AMOT: variants seen among roughly 807,000 people sequenced by gnomAD.
AMOT encodes the protein angiomotin.
In AMOT, 11 loss-of-function variants were observed where a neutral mutation model predicts 67.0. The observed-to-expected ratio is 0.16, with a 90% confidence interval of 0.10 to 0.27. The LOEUF is 0.27. AMOT is among the 10% of genes least tolerant of loss of function. The pLI is 1.00. For missense variants in AMOT, 753 were observed against 852.0 expected, an observed-to-expected ratio of 0.88 and a Z score of 1.45; for synonymous variants, 326 against 321.4, an observed-to-expected ratio of 1.01 and a Z score of -0.15.
At chrX:112,821,733 A>G (rs1351574124) in intron 4 of AMOT, among the ~76,000 whole-genome samples, 7 of 112,114 alleles carry the variant, frequency 6.2e-5, no homozygotes, top group African/African-American at 2.3e-4. Flanking sequence ...TAGCTCCCCC[A>G]CCATAACATC....
rs371430495 is a variant in AMOT, at chrX:112,833,076, C to G, written c.-288-706G>C. On this transcript the variant is annotated intron_variant, in intron 1 of 13. Transcript: ENST00000371959. ...ACCACAAATCATATAACCCAGCTAA[C>G]TTTCTTATTTGCACAAACTACTGCA... Among the ~76,000 whole-genome samples the G allele has an allele frequency of 1.1e-4, 12 of 111,773 alleles. No individual in the cohort carries two copies. The East Asian group carries it at 3.4e-3, about 31-fold the overall frequency.
intron 5 of AMOT, among the ~76,000 whole-genome samples, chrX:112,812,403 G>A (rs1283633704): frequency 3.6e-5 from 4 of 111,575 alleles, no homozygotes; most frequent in African/African-American, 1.3e-4. Context: ...TTATCCCATA[G>A]TCAATGGGAA....
At chrX:112,831,491 A>AT (rs1934986532) in intron 2 of AMOT, among the ~76,000 whole-genome samples, 1 of 108,398 alleles carries the variant, frequency 9.2e-6, no homozygotes, top group South Asian at 3.9e-4. Flanking sequence ...AAATAAATAA[A>AT]AAGAGAGCCC....
chrX:112,826,381 T>C (rs1934841980), intron 2 of AMOT, among the ~76,000 whole-genome samples: 2 of 112,770 alleles, frequency 1.8e-5, no homozygotes, highest in Admixed American at 1.9e-4. Context: ...CATTATTTCC[T>C]TGCAATGTTG....
rs985042460 is a variant in AMOT at position 112,837,643 on chromosome X, C to T, written c.-289+2809G>A. Among the ~76,000 whole-genome samples, 8 of 111,016 alleles carry T rather than the reference C, an allele frequency of 7.2e-5. No individual in the cohort carries two copies. In the Admixed American group the frequency reaches 7.7e-4, roughly 11 times the overall value. ...GTATGGCCAGCCTGTTTAATACCCC[C>T]TTAGTTCCTGGGACAAAATTCTAAC... is the stretch of plus-strand genomic sequence containing the variant. On this transcript the variant is annotated intron_variant, in intron 1 of 13. Coordinates refer to ENST00000371959, the MANE Select transcript of AMOT (RefSeq NM_001113490.2).
Position 112,779,503 on chromosome X carries a change from G to C in AMOT, c.2651C>G (p.Pro884Arg), listed in dbSNP as rs1164110079. ...AGTGGCGGCAGCAGCAACTGGAGCA[G>C]GAACAGAGATGGGAGCAACAGCTGC... ...KTAAVAPISV[P>R]APVAAAATAA... Residue 884 changes from proline to arginine, a missense_variant, in exon 13 of 14, where the codon CCT becomes CGT. Physicochemically the swap from Pro to Arg is moderately radical, Grantham distance 103. This residue lies in a region of AMOT where 269 missense variants were observed against 300.9 expected (regional missense o/e 0.89). Coordinates refer to ENST00000371959, the MANE Select transcript of AMOT (RefSeq NM_001113490.2). 1 of 1,211,034 alleles carries C rather than the reference G, an allele frequency of 8.3e-7. No individual in the cohort carries two copies. Among genetic ancestry groups the C allele is most frequent in the Non-Finnish European group, 1.1e-6 (1 of 895,236 alleles).
intron 8 of AMOT, among the ~76,000 whole-genome samples, chrX:112,792,195 C>G (rs145074032): frequency 0.042 from 4,674 of 111,966 alleles, 117 homozygotes; most frequent in Non-Finnish European, 0.068. Context: ...TCGAGAATAC[C>G]TTTTAAACCT....
At chrX:112,835,449 C>CA (rs1207004012) in intron 1 of AMOT, among the ~76,000 whole-genome samples, 58 of 100,242 alleles carry the variant, frequency 5.8e-4, no homozygotes, top group East Asian at 1.8e-3. Flanking sequence ...TCATATATTA[C>CA]AAAAAAAAAA....
intron 1 of AMOT, among the ~76,000 whole-genome samples, chrX:112,834,707 G>A (rs958282543): frequency 5.3e-5 from 6 of 112,924 alleles, no homozygotes; most frequent in African/African-American, 1.9e-4. Flanking sequence ...TGTGTCACAA[G>A]CAAATATTAC....
At chrX:112,821,224 C>A (rs142280845) in intron 4 of AMOT, among the ~76,000 whole-genome samples, 255 of 111,401 alleles carry the variant, frequency 2.3e-3, no homozygotes, top group African/African-American at 8.2e-3. Context: ...CAGACCTAGT[C>A]TGTGAGCCGC....
chrX:112,806,242 G>A (rs2147803553), intron 7 of AMOT, among the ~76,000 whole-genome samples: 1 of 107,554 alleles, frequency 9.3e-6, no homozygotes, highest in African/African-American at 3.4e-5. Context: ...ACTCCAGCCT[G>A]GTGACAGAGC....
At chrX:112,796,921 T>A (rs1186938859) in intron 8 of AMOT, among the ~76,000 whole-genome samples, 1 of 111,505 alleles carries the variant, frequency 9.0e-6, no homozygotes, top group Admixed American at 9.5e-5. Flanking sequence ...CAGGACAGCA[T>A]CCTACCACCG....
chrX:112,777,388 A>G lies in AMOT; in HGVS notation c.*1179T>C, dbSNP rs1471444771. ...GGTATTCCAAGATGGTGTCACTGAC[A>G]GTGAGAAGAGGTAGTTGAGGATACT... On this transcript the variant is annotated 3_prime_UTR_variant, in exon 14 of 14. Coordinates refer to ENST00000371959, the MANE Select transcript of AMOT (RefSeq NM_001113490.2). The G allele has an allele frequency of 2.7e-5, 3 of 112,022 alleles. No homozygotes were observed. Among genetic ancestry groups the G allele is most frequent in the Non-Finnish European group, 5.6e-5 (3 of 53,203 alleles). 9.2% of individuals were successfully genotyped at this position (112,022 alleles called of 1,213,427 possible). A position where few individuals can be genotyped will look rare whatever the true frequency, so the allele number is the denominator to read the frequency against.
chrX:112,787,400 A>G (rs899297898), intron 10 of AMOT, among the ~76,000 whole-genome samples: 4 of 112,141 alleles, frequency 3.6e-5, no homozygotes, highest in African/African-American at 9.7e-5. Context: ...GTTGAGTGCA[A>G]TATGTCAAAC....
chrX:112,827,913 T>C (rs1468166629), intron 2 of AMOT, among the ~76,000 whole-genome samples: 1 of 111,946 alleles, frequency 8.9e-6, no homozygotes, highest in Non-Finnish European at 1.9e-5. Context: ...AGAATCTAAG[T>C]CTAAGAAAGC....
At chrX:112,798,563 C>T (rs1052271879) in intron 8 of AMOT, among the ~76,000 whole-genome samples, 1 of 112,196 alleles carries the variant, frequency 8.9e-6, no homozygotes, top group Admixed American at 9.5e-5. Flanking sequence ...TTCTAGTTTA[C>T]TGGTCACTAT....
intron 10 of AMOT, among the ~76,000 whole-genome samples, chrX:112,785,471 GA>G (rs1356669898): frequency 8.9e-6 from 1 of 112,057 alleles, no homozygotes; most frequent in Non-Finnish European, 1.9e-5. Context: ...TGGGAGGCTG[GA>G]GAGGGGAAAG....
At chrX:112,782,496 A>G (rs906927353) in intron 11 of AMOT, 44 bp downstream of exon 11, 11 of 1,208,134 alleles carry the variant, frequency 9.1e-6, no homozygotes, top group Non-Finnish European at 1.1e-5. Flanking sequence ...TGTGGTCTCT[A>G]TATCAATGTC....
At chrX:112,836,967 T>C (rs1194987093) in intron 1 of AMOT, among the ~76,000 whole-genome samples, 4 of 110,419 alleles carry the variant, frequency 3.6e-5, no homozygotes. Context: ...TTCTCACCAA[T>C]AGGCTCACTA....
Sources: gnomAD v4.1 joint callset for allele counts (sites outside exome capture counted in the v4.1 genomes callset) on GRCh38, gnomAD v4.1.1 for gene constraint, gnomAD v4.1.1 regional missense constraint, MANE v1.5 for transcripts, NCBI Gene and HGNC (gene_info 2026-07-23, HGNC 2026-07-21) for gene names.